Variants in GAS7 observed in about 807,000 individuals in gnomAD.
The protein encoded by GAS7 is growth arrest specific 7, also known as growth arrest-specific protein 7.
In GAS7, 28 loss-of-function variants were observed where a neutral mutation model predicts 71.1. The ratio of observed to expected loss-of-function variants is 0.39; its 90% CI spans 0.29 to 0.54. The LOEUF (loss-of-function observed/expected upper bound fraction) is 0.54, where lower values mean the gene tolerates loss of function less well. GAS7 is among the 20% of genes least tolerant of loss of function. GAS7 has a pLI of 0.62. For synonymous variants in GAS7, 258 were observed against 245.8 expected (o/e 1.05, Z -0.46); for missense variants, 436 against 627.8 (o/e 0.69, Z 3.27).
chr17:10,016,140 C>G (rs953555307), intron 2 of GAS7, among the ~76,000 whole-genome samples: 2 of 152,076 alleles, frequency 1.3e-5, no homozygotes, highest in Non-Finnish European at 2.9e-5. Flanking sequence ...AATGCCAGTA[C>G]TTTGGGAGGC....
chr17:10,172,134 G>A (rs2074339833), intron 1 of GAS7, among the ~76,000 whole-genome samples: 1 of 152,146 alleles, frequency 6.6e-6, no homozygotes, highest in Admixed American at 6.5e-5. Context: ...TCTAATATCT[G>A]CCTAACTACC....
rs762865076 is a variant in GAS7, at chr17:9,934,190, T to G, written c.861A>C (p.Glu287Asp). 1.2e-6 allele frequency: 2 copies of G among 1,613,238 alleles called. No homozygotes were observed. Among genetic ancestry groups the G allele is most frequent in the Non-Finnish European group, 1.7e-6 (2 of 1,179,204 alleles). The change falls in exon 9 of 14, where the codon GAA becomes GAC. Residue 287 changes from glutamate to aspartate, a missense_variant. By Grantham distance (45) the Glu-to-Asp change is conservative. Transcript: ENST00000432992. ...CCTTGGCAGAGAACTTGAGGTGAAC[T>G]TCTGCTTCGTCCGCCAGGCTCTTCT... ...QVKKSLADEA[E>D]VHLKFSAKLH...
At chr17:10,168,020 A>G (rs1446913099) in intron 1 of GAS7, among the ~76,000 whole-genome samples, 3 of 152,124 alleles carry the variant, frequency 2.0e-5, no homozygotes, top group African/African-American at 7.2e-5. Flanking sequence ...CATGTTGCCC[A>G]GGTTGATGGA....
chr17:10,099,369 C>A (rs1437269363), intron 1 of GAS7, among the ~76,000 whole-genome samples: 1 of 152,192 alleles, frequency 6.6e-6, no homozygotes, highest in Non-Finnish European at 1.5e-5. Flanking sequence ...GATCTGCCTG[C>A]AGCAGGGTAC....
chr17:10,143,668 G>A (rs2074100740), intron 1 of GAS7, among the ~76,000 whole-genome samples: 2 of 152,172 alleles, frequency 1.3e-5, no homozygotes, highest in South Asian at 2.1e-4. Flanking sequence ...ATACAGACAG[G>A]TACAGAGGGA....
At position 9,974,504 on chromosome 17, in the gene GAS7, G is replaced by A. The variant is rs1208423995; in HGVS notation, c.386-4742C>T. On this transcript the variant is annotated intron_variant, in intron 3 of 13. Transcript: ENST00000432992. The surrounding 1 kb of genome is among the most constrained non-coding windows in gnomAD (Gnocchi z 4.0). ...TCATAAAGGGAACATAATTCAGTCT[G>A]GAGATACAAGGAAAAAAAAAAAGCA... Among the ~76,000 whole-genome samples, 1 of 151,638 alleles carries A rather than the reference G, an allele frequency of 6.6e-6. No individual in the cohort carries two copies. Among genetic ancestry groups the A allele is most frequent in the Non-Finnish European group, 1.5e-5 (1 of 67,896 alleles).
chr17:9,925,636 C>T, intron 10 of GAS7, 37 bp from the exon 11 acceptor site: 1 of 1,613,118 alleles, frequency 6.2e-7, no homozygotes. Flanking sequence ...GCTCATACAG[C>T]TCGGAGCCAG....
intron 1 of GAS7, among the ~76,000 whole-genome samples, chr17:10,156,762 T>C (rs2074208229): frequency 6.6e-6 from 1 of 152,116 alleles, no homozygotes; most frequent in South Asian, 2.1e-4. Context: ...GTGGCTTCTT[T>C]AGAGCAGTCG....
chr17:10,042,531 C>T (rs2072887748), intron 1 of GAS7, among the ~76,000 whole-genome samples: 1 of 152,074 alleles, frequency 6.6e-6, no homozygotes, highest in African/African-American at 2.4e-5. Context: ...GTGTGGGATG[C>T]AGGCAGGTAT....
intron 1 of GAS7, among the ~76,000 whole-genome samples, chr17:10,170,861 G>T (rs527531251): frequency 2.0e-5 from 3 of 152,342 alleles, no homozygotes; most frequent in African/African-American, 7.2e-5. Flanking sequence ...TCACCTCGGA[G>T]GTGGTCTCTG....
chr17:10,187,878 T>C (rs1240421544), intron 1 of GAS7, among the ~76,000 whole-genome samples: 1 of 152,242 alleles, frequency 6.6e-6, no homozygotes, highest in Non-Finnish European at 1.5e-5. Flanking sequence ...AATTCTTTTC[T>C]GGACACACCA....
At position 9,940,130 on chromosome 17, in the gene GAS7, C is replaced by T; in HGVS notation, c.802G>A (p.Glu268Lys). 6.4e-7 allele frequency: 1 copy of T among 1,574,310 alleles called. No individual in the cohort carries two copies. Among genetic ancestry groups the T allele is most frequent in the South Asian group, 1.1e-5 (1 of 90,274 alleles). The change falls in exon 8 of 14, where the codon GAA (glutamate) becomes AAA (lysine). Residue 268 changes from glutamate (E) to lysine (K), a missense_variant. Physicochemically the swap from Glu to Lys is moderately conservative, Grantham distance 56. Coordinates refer to ENST00000432992, the MANE Select transcript of GAS7 (RefSeq NM_201433.2). ...ACCTCTCTCCTACCCACTCACCCTT[C>T]CTCCTGTGAAGCCAAGGAGTTCTGA... ...LSQNSLASQE[E>K]GSLGEAWAQV...
intron 6 of GAS7, among the ~76,000 whole-genome samples, chr17:9,946,510 T>C (rs2068791891): frequency 6.6e-6 from 1 of 152,220 alleles, no homozygotes; most frequent in Non-Finnish European, 1.5e-5. Flanking sequence ...ATGAGAACAC[T>C]GAGGCCCAAG....
intron 1 of GAS7, among the ~76,000 whole-genome samples, chr17:10,081,112 T>C (rs557109362): frequency 1.3e-5 from 2 of 152,256 alleles, no homozygotes; most frequent in East Asian, 3.9e-4. Context: ...CAAAAATCTT[T>C]AAAACTTTCA....
chr17:9,918,736 G>A (rs896805446), intron 12 of GAS7, among the ~76,000 whole-genome samples: 2 of 152,230 alleles, frequency 1.3e-5, no homozygotes, highest in African/African-American at 2.4e-5. Context: ...AAAGGGGAGC[G>A]TGGAAAGGGT....
intron 7 of GAS7, among the ~76,000 whole-genome samples, chr17:9,941,095 G>T (rs1005173233): frequency 6.6e-6 from 1 of 152,242 alleles, no homozygotes; most frequent in Admixed American, 6.5e-5. Flanking sequence ...ATGATGGAGA[G>T]AGGGCGGCTG....
At chr17:10,058,193 C>T (rs972375789) in intron 1 of GAS7, among the ~76,000 whole-genome samples, 2 of 152,148 alleles carry the variant, frequency 1.3e-5, no homozygotes, top group Non-Finnish European at 2.9e-5. Flanking sequence ...CCACTATTGT[C>T]CTATGACCCT....
chr17:9,976,085 C>T (rs535642080), intron 3 of GAS7, among the ~76,000 whole-genome samples: 1 of 152,338 alleles, frequency 6.6e-6, no homozygotes, highest in South Asian at 2.1e-4. Flanking sequence ...ACATAAATAC[C>T]TTTCTGTTCC....
Position 10,174,812 on chromosome 17 carries a change from G to A in GAS7, c.183+23396C>T, listed in dbSNP as rs746186349. On this transcript the variant is annotated intron_variant, in intron 1 of 13. Coordinates refer to ENST00000432992, the MANE Select transcript of GAS7 (RefSeq NM_201433.2). ...AAAAGACACGTGCCAGTGCCTTCACGGGCTTTGACCTGATGCAGCTCTGCC... is the reference window on the plus strand; with the variant it reads ...AAAAGACACGTGCCAGTGCCTTCACAGGCTTTGACCTGATGCAGCTCTGCC... 3.3e-5 allele frequency among the ~76,000 whole-genome samples: 5 copies of A among 152,086 alleles called. 1 individual carries two copies. The South Asian group carries it at 8.3e-4, about 25-fold the overall frequency.
Sources: gnomAD v4.1 joint callset for allele counts (sites outside exome capture counted in the v4.1 genomes callset) on GRCh38, gnomAD v4.1.1 for gene constraint, Gnocchi (gnomAD v3.1) non-coding constraint, MANE v1.5 for transcripts, NCBI Gene and HGNC (gene_info 2026-07-23, HGNC 2026-07-21) for gene names.